Variants in RAD54B observed in about 807,000 individuals in gnomAD.
RAD54B encodes the protein RAD54 homolog B.
Under a neutral mutation model 95.8 loss-of-function variants are expected in RAD54B, and 78 were observed. That is an observed-to-expected ratio of 0.81 (90% CI 0.68 to 0.98). RAD54B has a LOEUF of 0.98. Ranked by LOEUF, RAD54B falls within the 50% of genes least tolerant of loss-of-function variation. RAD54B has a pLI of 0.00. For missense variants in RAD54B, 957 were observed against 1,056.6 expected, an observed-to-expected ratio of 0.91 and a Z score of 1.31; for synonymous variants, 328 against 354.9, an observed-to-expected ratio of 0.92 and a Z score of 0.85.
chr8:94,401,848 G>A (rs1811273326), intron 6 of RAD54B, among the ~76,000 whole-genome samples: 2 of 152,168 alleles, frequency 1.3e-5, no homozygotes, highest in Admixed American at 1.3e-4. Context: ...ACAGTGAATA[G>A]CAAAGAGAAA....
intron 3 of RAD54B, among the ~76,000 whole-genome samples, chr8:94,452,067 C>G (rs114126382): frequency 0.014 from 2,165 of 152,280 alleles, 46 homozygotes; most frequent in African/African-American, 0.049. Context: ...CTTTCTGGTT[C>G]ATAGATGGCA....
intron 5 of RAD54B, among the ~76,000 whole-genome samples, chr8:94,407,230 T>C (rs1259540368): frequency 6.6e-6 from 1 of 152,152 alleles, no homozygotes; most frequent in Non-Finnish European, 1.5e-5. Flanking sequence ...TATTACTGTA[T>C]TCTTAGAATT....
intron 10 of RAD54B, among the ~76,000 whole-genome samples, chr8:94,388,197 A>C (rs1438399439): frequency 1.3e-5 from 2 of 152,036 alleles, no homozygotes; most frequent in Admixed American, 1.3e-4. Context: ...ATTTTCTCCC[A>C]TCTCTGCCAC....
intron 3 of RAD54B, among the ~76,000 whole-genome samples, chr8:94,417,603 C>CTT (rs938016298): frequency 7.9e-5 from 12 of 151,882 alleles, no homozygotes; most frequent in African/African-American, 2.7e-4. Context: ...TTCGCAGACT[C>CTT]TTTAAAAGTT....
intron 11 of RAD54B, among the ~76,000 whole-genome samples, chr8:94,386,576 TTG>T (rs764988413): frequency 7.9e-5 from 11 of 138,454 alleles, no homozygotes; most frequent in African/African-American, 1.2e-4. Flanking sequence ...CATGGTATGG[TTG>T]TGTGTGTGTG....
At chr8:94,462,166 T>A (rs971404292) in intron 2 of RAD54B, among the ~76,000 whole-genome samples, 1 of 152,192 alleles carries the variant, frequency 6.6e-6, no homozygotes, top group Admixed American at 6.5e-5. Context: ...AATACAACAG[T>A]TCATCATATT....
rs1812824351 is a variant in RAD54B at position 94,458,346 on chromosome 8, T to C, written c.226A>G (p.Ile76Val). ...NLPSEESTRE[I>V]NNRDNCSGKY... ...CCACTGCAATTATCTCTGTTATTGATTTCTCTAGTACTTTCTTCACTAGGC... is the reference window on the plus strand; with the variant it reads ...CCACTGCAATTATCTCTGTTATTGACTTCTCTAGTACTTTCTTCACTAGGC... The change falls in exon 3 of 15, where the codon ATC becomes GTC. Residue 76 changes from isoleucine to valine, a missense_variant. Ile to Val is a conservative substitution (Grantham distance 29). Transcript: ENST00000336148. 6.2e-7 allele frequency: 1 copy of C among 1,610,374 alleles called. No individual in the cohort carries two copies. Among genetic ancestry groups the C allele is most frequent in the East Asian group, 2.2e-5 (1 of 44,668 alleles).
At chr8:94,454,764 A>C (rs1415447478) in intron 3 of RAD54B, among the ~76,000 whole-genome samples, 1 of 152,220 alleles carries the variant, frequency 6.6e-6, no homozygotes, top group Non-Finnish European at 1.5e-5. Context: ...TAAGGCAGCT[A>C]TCCAAAAGAT....
chr8:94,473,497 TGGGA>T (rs766641901), intron 1 of RAD54B, among the ~76,000 whole-genome samples: 13 of 152,190 alleles, frequency 8.5e-5, no homozygotes, highest in Non-Finnish European at 1.5e-5. Flanking sequence ...ACCGGACTGT[TGGGA>T]GGATTAAATG....
chr8:94,376,099 A>G lies in RAD54B; in HGVS notation c.2515+2081T>C, dbSNP rs144581269. Among the ~76,000 whole-genome samples, 3 of 152,282 alleles carry G rather than the reference A, an allele frequency of 2.0e-5. No individual in the cohort carries two copies. The East Asian group carries it at 5.8e-4, about 29-fold the overall frequency. ...TCTGGCTAATATGACAGAATTCTAC[A>G]CTAGGCAATTAAGAGGATATACACG... is the stretch of plus-strand genomic sequence containing the variant. On this transcript the variant is annotated intron_variant, in intron 14 of 14. Coordinates refer to ENST00000336148, the MANE Select transcript of RAD54B (RefSeq NM_012415.3).
chr8:94,403,565 T>A (rs1289125389), intron 6 of RAD54B, among the ~76,000 whole-genome samples: 1 of 151,796 alleles, frequency 6.6e-6, no homozygotes, highest in African/African-American at 2.4e-5. Context: ...TAATCCTAGC[T>A]ACTCAGGAGG....
At chr8:94,415,923 G>A (rs1426920923) in intron 3 of RAD54B, among the ~76,000 whole-genome samples, 2 of 152,122 alleles carry the variant, frequency 1.3e-5, no homozygotes, top group Non-Finnish European at 2.9e-5. Flanking sequence ...TAGTGGGACT[G>A]TAAACTAGTT....
At chr8:94,410,715 T>C (rs1283302475) in intron 4 of RAD54B, among the ~76,000 whole-genome samples, 1 of 152,206 alleles carries the variant, frequency 6.6e-6, no homozygotes, top group Admixed American at 6.5e-5. Context: ...CAAAACATTA[T>C]TGAGTAGTGC....
chr8:94,469,430 T>G (rs1199174879), intron 1 of RAD54B, among the ~76,000 whole-genome samples: 1 of 152,218 alleles, frequency 6.6e-6, no homozygotes, highest in Non-Finnish European at 1.5e-5. Flanking sequence ...TCCCCAGCCA[T>G]GTGGAACTGT....
In RAD54B at chr8:94,391,765, T is replaced by G. The variant is rs1157370564; in HGVS notation, c.1653A>C (p.Pro551=). ...PKIENVVFCR[P]GALQIELYRK... ...GATAAAGCTCAATCTGTAGTGCTCCTGGTCGGCAAAAGACAACATTCTCTA... is the reference window on the plus strand; with the variant it reads ...GATAAAGCTCAATCTGTAGTGCTCCGGGTCGGCAAAAGACAACATTCTCTA... The change falls in exon 10 of 15, where the codon CCA becomes CCC. Residue 551 remains proline, a synonymous_variant. Coordinates refer to ENST00000336148, the MANE Select transcript of RAD54B (RefSeq NM_012415.3). The G allele has an allele frequency of 6.2e-7, 1 of 1,614,140 alleles. No homozygotes were observed. Among genetic ancestry groups the G allele is most frequent in the Non-Finnish European group, 8.5e-7 (1 of 1,180,022 alleles).
intron 3 of RAD54B, among the ~76,000 whole-genome samples, chr8:94,422,511 C>T (rs113085863): frequency 0.037 from 5,059 of 137,580 alleles, 129 homozygotes; most frequent in Middle Eastern, 0.055. Context: ...CGCTTGAATC[C>T]GGGAGGCGGA....
intron 3 of RAD54B, chr8:94,430,618 A>G: frequency 1.7e-6 from 1 of 604,054 alleles, no homozygotes; most frequent in Non-Finnish European, 2.1e-6. Context: ...CAGGACCCAT[A>G]CTTGGAAAAC....
intron 3 of RAD54B, among the ~76,000 whole-genome samples, chr8:94,417,723 T>C (rs997169303): frequency 1.3e-5 from 2 of 152,056 alleles, no homozygotes; most frequent in South Asian, 2.1e-4. Context: ...AAAAAACTTG[T>C]ACATCTCCAA....
intron 3 of RAD54B, among the ~76,000 whole-genome samples, chr8:94,418,844 G>T (rs1228476894): frequency 6.6e-6 from 1 of 152,056 alleles, no homozygotes; most frequent in East Asian, 1.9e-4. Context: ...TGAGTTTTCA[G>T]CTTAATTTTG....
Sources: gnomAD v4.1 joint callset for allele counts (sites outside exome capture counted in the v4.1 genomes callset) on GRCh38, gnomAD v4.1.1 for gene constraint, MANE v1.5 for transcripts, NCBI Gene and HGNC (gene_info 2026-07-23, HGNC 2026-07-21) for gene names.